The following FARS2 variants were observed in gnomAD, a reference collection of about 807,000 sequenced individuals.
FARS2 encodes the protein phenylalanyl-tRNA synthetase 2, mitochondrial, also known as phenylalanine--tRNA ligase, mitochondrial.
A neutral mutation model predicts 46.4 loss-of-function variants in FARS2; 40 were observed. The observed-to-expected ratio is 0.86, with a 90% CI of 0.67 to 1.12. The LOEUF is 1.12. Ranked by LOEUF, FARS2 falls within the 50% of genes most tolerant of loss-of-function variation. FARS2 has a pLI of 0.00. For synonymous variants in FARS2, 234 were observed against 214.9 expected, an observed-to-expected ratio of 1.09 and a Z score of -0.78; for missense variants, 513 against 567.9, an observed-to-expected ratio of 0.90 and a Z score of 0.98.
chr6:5,640,738 C>T (rs1208994361), intron 6 of FARS2, among the ~76,000 whole-genome samples: 1 of 152,230 alleles, frequency 6.6e-6, no homozygotes, highest in East Asian at 1.9e-4. Context: ...ACCCATACCA[C>T]ATAGTTCAAC....
At chr6:5,397,059 A>T (rs78795886) in intron 2 of FARS2, among the ~76,000 whole-genome samples, 1,657 of 152,318 alleles carry the variant, frequency 0.011, 26 homozygotes, top group African/African-American at 0.037. Flanking sequence ...GAAATCTTTA[A>T]AGAAGTAGAA....
chr6:5,372,714 G>A (rs542183130), intron 2 of FARS2, among the ~76,000 whole-genome samples: 20 of 152,190 alleles, frequency 1.3e-4, no homozygotes, highest in African/African-American at 4.1e-4. Context: ...CAAATGTGGG[G>A]AACCATAGTC....
chr6:5,573,552 CA>C (rs1772783878), intron 5 of FARS2, among the ~76,000 whole-genome samples: 1 of 152,196 alleles, frequency 6.6e-6, no homozygotes, highest in African/African-American at 2.4e-5. Flanking sequence ...ACTGGATCTG[CA>C]AACCTGGTCT....
chr6:5,265,779 A>G (rs777778944), intron 1 of FARS2, among the ~76,000 whole-genome samples: 10 of 152,182 alleles, frequency 6.6e-5, no homozygotes, highest in Non-Finnish European at 1.3e-4. Flanking sequence ...TAAGGGTGAA[A>G]ACAGCAATAA....
chr6:5,724,138 G>GA (rs150338750), intron 6 of FARS2, among the ~76,000 whole-genome samples: 6,946 of 152,284 alleles, frequency 0.046, 226 homozygotes, highest in Non-Finnish European at 0.072. Context: ...ATGGGGCTTA[G>GA]AATCTGCGCC....
chr6:5,603,148 T>C (rs1285053862), intron 5 of FARS2, among the ~76,000 whole-genome samples: 1 of 152,188 alleles, frequency 6.6e-6, no homozygotes, highest in East Asian at 1.9e-4. Context: ...TAGGCTGTAG[T>C]GCAGTGGTGC....
At chr6:5,373,366 C>T (rs1010773106) in intron 2 of FARS2, among the ~76,000 whole-genome samples, 6 of 152,008 alleles carry the variant, frequency 3.9e-5, no homozygotes, top group African/African-American at 9.7e-5. Context: ...CCACAGTTAA[C>T]GTGTCTCCTG....
intron 5 of FARS2, among the ~76,000 whole-genome samples, chr6:5,585,671 A>G (rs916468717): frequency 6.6e-6 from 1 of 151,938 alleles, no homozygotes; most frequent in African/African-American, 2.4e-5. Flanking sequence ...TGGCTGAATA[A>G]TAGTCTAATA....
At chr6:5,397,260 C>G (rs534615981) in intron 2 of FARS2, among the ~76,000 whole-genome samples, 4 of 152,076 alleles carry the variant, frequency 2.6e-5, no homozygotes, top group Non-Finnish European at 5.9e-5. Context: ...GCTAGGGAAA[C>G]AGTGAAAAGA....
At chr6:5,427,303 C>A (rs1245496738) in intron 3 of FARS2, among the ~76,000 whole-genome samples, 1 of 152,184 alleles carries the variant, frequency 6.6e-6, no homozygotes, top group Non-Finnish European at 1.5e-5. Context: ...AACCATAAAA[C>A]TACTAGAAGA....
At position 5,736,874 on chromosome 6, in the gene FARS2, T is replaced by C. The variant is rs527562837; in HGVS notation, c.1218-34417T>C. Among the ~76,000 whole-genome samples the C allele has an allele frequency of 2.0e-5, 3 of 152,284 alleles. No individual in the cohort carries two copies. The East Asian group carries it at 5.8e-4, about 29-fold the overall frequency. On this transcript the variant is annotated intron_variant, in intron 6 of 6. Coordinates refer to ENST00000274680, the MANE Select transcript of FARS2 (RefSeq NM_006567.5). ...CAAACCAATTTACTGCCTCAGCTGC[T>C]GTAATGTGGAATAACTTGCATCCCA... is the stretch of plus-strand genomic sequence containing the variant.
chr6:5,686,089 T>A (rs1042552769), intron 6 of FARS2, among the ~76,000 whole-genome samples: 1 of 152,178 alleles, frequency 6.6e-6, no homozygotes, highest in Non-Finnish European at 1.5e-5. Flanking sequence ...TTCATCTGTT[T>A]CCCCTGCATT....
At chr6:5,432,351 T>TATATTA (rs1491454941) in intron 4 of FARS2, among the ~76,000 whole-genome samples, 6 of 42,310 alleles carry the variant, frequency 1.4e-4, no homozygotes, top group African/African-American at 4.3e-4. Context: ...TATATATATA[T>TATATTA]TATATATATA....
chr6:5,668,883 A>T (rs1380711042), intron 6 of FARS2, among the ~76,000 whole-genome samples: 27 of 151,124 alleles, frequency 1.8e-4, no homozygotes, highest in Admixed American at 1.1e-3. Context: ...TTTTATAGAG[A>T]CGGGGTTTCA....
chr6:5,766,042 T>A (rs1242915516), intron 6 of FARS2, among the ~76,000 whole-genome samples: 1 of 152,282 alleles, frequency 6.6e-6, no homozygotes, highest in East Asian at 1.9e-4. Flanking sequence ...ACCAAAAAAA[T>A]TTTTTTAGAA....
intron 2 of FARS2, among the ~76,000 whole-genome samples, chr6:5,397,176 C>T (rs183752783): frequency 1.3e-5 from 2 of 152,178 alleles, no homozygotes; most frequent in Admixed American, 6.5e-5. Context: ...ATGCATATTA[C>T]TCATGAAGGA....
chr6:5,303,061 T>C (rs1768434725), intron 1 of FARS2, among the ~76,000 whole-genome samples: 1 of 152,198 alleles, frequency 6.6e-6, no homozygotes, highest in African/African-American at 2.4e-5. Context: ...ACAAATCTTT[T>C]AGAGAAGGAA....
At chr6:5,663,141 A>G (rs1482385030) in intron 6 of FARS2, among the ~76,000 whole-genome samples, 2 of 152,218 alleles carry the variant, frequency 1.3e-5, no homozygotes, top group African/African-American at 2.4e-5. Context: ...TATGGTTCAC[A>G]GTAATAAGAT....
At chr6:5,617,112 C>A (rs970599297) in intron 6 of FARS2, among the ~76,000 whole-genome samples, 2 of 147,320 alleles carry the variant, frequency 1.4e-5, no homozygotes, top group Admixed American at 6.8e-5. Flanking sequence ...CAGGCAGACA[C>A]CCCATTAAAA....
Sources: allele counts gnomAD v4.1 joint callset (sites outside exome capture counted in the v4.1 genomes callset), GRCh38; gene constraint gnomAD v4.1.1; transcripts MANE v1.5; gene names NCBI Gene and HGNC (gene_info 2026-07-23, HGNC 2026-07-21).